NDUFAF2: variants seen among roughly 807,000 people sequenced by gnomAD.
NDUFAF2 encodes the protein NADH dehydrogenase [ubiquinone] 1 alpha subcomplex assembly factor 2.
A neutral mutation model predicts 22.8 loss-of-function variants in NDUFAF2; 13 were observed. That is an observed-to-expected ratio of 0.57 (90% CI 0.37 to 0.91). NDUFAF2 has a LOEUF of 0.91. NDUFAF2 is among the 40% of genes least tolerant of loss of function. The pLI is 0.01. For synonymous variants in NDUFAF2, 53 were observed against 64.2 expected, an observed-to-expected ratio of 0.83 and a Z score of 0.84; for missense variants, 162 against 195.2, an observed-to-expected ratio of 0.83 and a Z score of 1.01.
chr5:61,030,250 A>G (rs1364042415), intron 1 of NDUFAF2, among the ~76,000 whole-genome samples: 3 of 152,152 alleles, frequency 2.0e-5, no homozygotes, highest in African/African-American at 7.2e-5. Flanking sequence ...CAGGGATAGC[A>G]TATTGGTTAA....
chr5:60,986,581 G>A (rs1036078542), intron 1 of NDUFAF2, among the ~76,000 whole-genome samples: 1 of 152,018 alleles, frequency 6.6e-6, no homozygotes, highest in Non-Finnish European at 1.5e-5. Context: ...CAACCTCAAA[G>A]CTAGCAGAAG....
intron 3 of NDUFAF2, among the ~76,000 whole-genome samples, chr5:61,138,324 A>C (rs1228073728): frequency 1.3e-5 from 2 of 152,234 alleles, no homozygotes; most frequent in Non-Finnish European, 2.9e-5. Context: ...GCACAATTCA[A>C]GATAAATTTT....
chr5:61,146,731 G>T (rs1195897585), intron 3 of NDUFAF2, among the ~76,000 whole-genome samples: 2 of 152,062 alleles, frequency 1.3e-5, no homozygotes, highest in African/African-American at 2.4e-5. Flanking sequence ...TTTATATTTA[G>T]TCATTATTTT....
intron 1 of NDUFAF2, among the ~76,000 whole-genome samples, chr5:61,032,726 G>A (rs550465574): frequency 5.9e-4 from 90 of 152,116 alleles, no homozygotes; most frequent in African/African-American, 2.0e-3. Flanking sequence ...TTGGTTCCAT[G>A]TGAACTTTAA....
chr5:61,050,221 C>A (rs902807886), intron 1 of NDUFAF2, among the ~76,000 whole-genome samples: 10 of 152,032 alleles, frequency 6.6e-5, no homozygotes, highest in Admixed American at 2.0e-4. Context: ...TTCTTTACAA[C>A]CTCGACAACA....
intron 1 of NDUFAF2, among the ~76,000 whole-genome samples, chr5:60,985,147 A>G (rs901215727): frequency 4.6e-5 from 7 of 152,182 alleles, no homozygotes; most frequent in Non-Finnish European, 1.0e-4. Flanking sequence ...CAAGGAATTT[A>G]TCCATTTCTT....
intron 3 of NDUFAF2, among the ~76,000 whole-genome samples, chr5:61,133,964 A>G (rs138152729): frequency 6.6e-6 from 1 of 152,210 alleles, no homozygotes; most frequent in Non-Finnish European, 1.5e-5. Context: ...TATCTGGTGA[A>G]AATACGTAAT....
At chr5:61,098,931 G>A (rs1752674769) in intron 2 of NDUFAF2, 61 bp from the exon 3 acceptor site, 8 of 1,431,242 alleles carry the variant, frequency 5.6e-6, no homozygotes, top group South Asian at 1.2e-5. Context: ...TTTGTTTTAT[G>A]GATAAAAATG....
At chr5:60,953,691 G>C (rs1232032409) in intron 1 of NDUFAF2, among the ~76,000 whole-genome samples, 1 of 152,146 alleles carries the variant, frequency 6.6e-6, no homozygotes. Context: ...AAAGCAAGCA[G>C]TAAATTCTAT....
intron 1 of NDUFAF2, among the ~76,000 whole-genome samples, chr5:61,070,444 AATTT>A (rs1388975109): frequency 1.3e-5 from 2 of 152,146 alleles, no homozygotes; most frequent in Non-Finnish European, 2.9e-5. Flanking sequence ...GATTACAAAG[AATTT>A]ATTTAATAAG....
At chr5:60,995,569 G>A (rs1263992329) in intron 1 of NDUFAF2, among the ~76,000 whole-genome samples, 1 of 152,176 alleles carries the variant, frequency 6.6e-6, no homozygotes, top group Admixed American at 6.5e-5. Context: ...CTAAAGCCAG[G>A]GGTGAAGTGC....
chr5:61,028,092 A>G (rs1176041362), intron 1 of NDUFAF2, among the ~76,000 whole-genome samples: 2 of 152,090 alleles, frequency 1.3e-5, no homozygotes, highest in African/African-American at 4.8e-5. Flanking sequence ...GTGCCAGGTA[A>G]AAGGCTAGAA....
intron 3 of NDUFAF2, among the ~76,000 whole-genome samples, chr5:61,111,642 A>G (rs1391827089): frequency 1.3e-5 from 2 of 151,146 alleles, no homozygotes; most frequent in African/African-American, 4.9e-5. Context: ...TTTTTGAGAC[A>G]GAGTCTCACT....
intron 1 of NDUFAF2, among the ~76,000 whole-genome samples, chr5:61,035,233 A>G (rs1356384234): frequency 6.6e-6 from 1 of 151,326 alleles, no homozygotes; most frequent in Non-Finnish European, 1.5e-5. Context: ...TGCCCAGATA[A>G]TTTTCGTATT....
intron 1 of NDUFAF2, among the ~76,000 whole-genome samples, chr5:61,068,121 A>T (rs1018026632): frequency 6.6e-6 from 1 of 152,140 alleles, no homozygotes. Context: ...GAATGTATGG[A>T]TCACTATACT....
intron 1 of NDUFAF2, among the ~76,000 whole-genome samples, chr5:60,991,403 A>G (rs1418323888): frequency 1.3e-5 from 2 of 152,036 alleles, no homozygotes; most frequent in Non-Finnish European, 2.9e-5. Context: ...AGTAGGTCTT[A>G]TTTATTCTTT....
chr5:60,962,490 A>G (rs1236134954), intron 1 of NDUFAF2, among the ~76,000 whole-genome samples: 1 of 152,180 alleles, frequency 6.6e-6, no homozygotes, highest in Non-Finnish European at 1.5e-5. Context: ...ATGAAACTTT[A>G]TCTTTTTGAG....
chr5:61,056,907 AAAAAAAAAAAAAATATATATAT>A (rs1752100756), intron 1 of NDUFAF2, among the ~76,000 whole-genome samples: 1 of 40,636 alleles, frequency 2.5e-5, no homozygotes, highest in South Asian at 1.2e-3. Context: ...AAAAAAAAAA[AAAAAAAAAAAAAATATATATAT>A]ATATATATAT....
chr5:61,148,350 C>T (rs879666786), intron 3 of NDUFAF2, among the ~76,000 whole-genome samples: 2 of 152,206 alleles, frequency 1.3e-5, no homozygotes, highest in Admixed American at 1.3e-4. Flanking sequence ...GTCCAGTTTT[C>T]TAGTGGTGCC....
Sources: allele counts gnomAD v4.1 joint callset (sites outside exome capture counted in the v4.1 genomes callset), GRCh38; gene constraint gnomAD v4.1.1; transcripts MANE v1.5; gene names NCBI Gene and HGNC (gene_info 2026-07-23, HGNC 2026-07-21).